The following TBC1D5 variants were observed in gnomAD, a reference collection of about 807,000 sequenced individuals.
TBC1D5 encodes the protein TBC1 domain family, member 5.
TBC1D5 carries 75 observed loss-of-function variants against 100.3 expected under a neutral mutation model. The observed-to-expected ratio is 0.75, with a 90% confidence interval of 0.62 to 0.91. TBC1D5 has a LOEUF of 0.91. Among genes scored for constraint, TBC1D5 ranks in the 40% least tolerant of loss-of-function variants. The pLI, the probability that TBC1D5 is intolerant of heterozygous loss-of-function variation, is 0.00. For synonymous variants in TBC1D5, 323 were observed against 325.6 expected (o/e 0.99, Z 0.09); for missense variants, 910 against 942.4 (o/e 0.97, Z 0.45).
At chr3:17,693,332 G>A (rs2071454662) in intron 1 of TBC1D5, among the ~76,000 whole-genome samples, 2 of 152,216 alleles carry the variant, frequency 1.3e-5, no homozygotes, top group Admixed American at 6.5e-5. Flanking sequence ...TCCTAGCCAA[G>A]GGAAGCCGTG....
intron 3 of TBC1D5, among the ~76,000 whole-genome samples, chr3:17,475,972 A>G (rs2095433614): frequency 6.6e-6 from 1 of 152,052 alleles, no homozygotes; most frequent in Admixed American, 6.6e-5. Flanking sequence ...TCTGACAGGG[A>G]TTTTATTTAA....
intron 2 of TBC1D5, among the ~76,000 whole-genome samples, chr3:17,552,032 A>C (rs1232380923): frequency 2.0e-5 from 3 of 152,142 alleles, no homozygotes; most frequent in African/African-American, 7.2e-5. Context: ...ATGGCATGGG[A>C]AACCTTGTTT....
chr3:17,241,877 A>G (rs1169298874), intron 16 of TBC1D5, among the ~76,000 whole-genome samples: 4 of 152,332 alleles, frequency 2.6e-5, no homozygotes, highest in South Asian at 2.1e-4. Flanking sequence ...AAAAAACCCA[A>G]AAAAACCCCA....
chr3:17,553,321 A>G (rs2096489014), intron 2 of TBC1D5, among the ~76,000 whole-genome samples: 1 of 152,178 alleles, frequency 6.6e-6, no homozygotes, highest in African/African-American at 2.4e-5. Flanking sequence ...TACTTGTTAC[A>G]CTGGCAAAAA....
At chr3:17,533,062 CACACAT>C (rs1329309817) in intron 2 of TBC1D5, among the ~76,000 whole-genome samples, 70 of 129,152 alleles carry the variant, frequency 5.4e-4, no homozygotes, top group Non-Finnish European at 6.7e-4. Context: ...GTCACACACA[CACACAT>C]ACACAGACAC....
chr3:17,250,253 A>G (rs1286193859), intron 16 of TBC1D5, among the ~76,000 whole-genome samples: 1 of 152,198 alleles, frequency 6.6e-6, no homozygotes, highest in Non-Finnish European at 1.5e-5. Context: ...TGCACTGCCA[A>G]TACCATGTTA....
At chr3:17,401,910 G>A (rs1229158040) in intron 8 of TBC1D5, among the ~76,000 whole-genome samples, 2 of 151,998 alleles carry the variant, frequency 1.3e-5, no homozygotes, top group African/African-American at 4.8e-5. Flanking sequence ...CTGAGTACCA[G>A]GACTCCTGTG....
chr3:17,643,374 T>C (rs570678154), intron 1 of TBC1D5, among the ~76,000 whole-genome samples: 71 of 152,216 alleles, frequency 4.7e-4, no homozygotes, highest in Middle Eastern at 3.4e-3. Flanking sequence ...GTCTCCTCCA[T>C]AAAGTTACTA....
At chr3:17,724,530 CTT>C (rs1279486728) in intron 1 of TBC1D5, among the ~76,000 whole-genome samples, 3 of 152,146 alleles carry the variant, frequency 2.0e-5, no homozygotes, top group Non-Finnish European at 4.4e-5. Flanking sequence ...TCTCTGGCAA[CTT>C]TTAAGAGATT....
intron 15 of TBC1D5, among the ~76,000 whole-genome samples, chr3:17,282,997 C>T (rs757360697): frequency 1.3e-5 from 2 of 152,218 alleles, no homozygotes; most frequent in African/African-American, 2.4e-5. Context: ...GGATAAAGAA[C>T]GGCCAGGCCC....
chr3:17,360,713 TAA>T (rs1272002558), intron 13 of TBC1D5, among the ~76,000 whole-genome samples: 3 of 152,006 alleles, frequency 2.0e-5, no homozygotes, highest in Non-Finnish European at 4.4e-5. Context: ...AATTTAAAAA[TAA>T]AGTCTTAGTT....
At chr3:17,297,015 C>T (rs559595330) in intron 14 of TBC1D5, among the ~76,000 whole-genome samples, 14 of 152,304 alleles carry the variant, frequency 9.2e-5, no homozygotes, top group Admixed American at 3.9e-4. Context: ...GATCTTTACT[C>T]AGTAATTTCT....
intron 13 of TBC1D5, among the ~76,000 whole-genome samples, chr3:17,324,959 A>G (rs1335475280): frequency 2.0e-5 from 3 of 152,240 alleles, no homozygotes; most frequent in African/African-American, 4.8e-5. Flanking sequence ...GTGGTGACCA[A>G]GGATACAAAG....
At chr3:17,406,624 AT>A in intron 4 of TBC1D5, 98 bp from the exon 5 acceptor site, 2 of 1,082,764 alleles carry the variant, frequency 1.8e-6, no homozygotes, top group Non-Finnish European at 2.7e-6. Flanking sequence ...AGTCTAAAAA[AT>A]GCAACTTTTA....
At chr3:17,470,483 T>G (rs2095359889) in intron 3 of TBC1D5, among the ~76,000 whole-genome samples, 1 of 152,204 alleles carries the variant, frequency 6.6e-6, no homozygotes, top group Admixed American at 6.5e-5. Context: ...TGGAAAATGA[T>G]GCAGTATATC....
chr3:17,374,388 C>G, intron 12 of TBC1D5, 83 bp downstream of exon 12: 1 of 1,323,846 alleles, frequency 7.6e-7, no homozygotes, highest in East Asian at 2.5e-5. Flanking sequence ...AGGCTATATA[C>G]TATTCTTTGG....
At chr3:17,361,608 C>T (rs550678330) in intron 13 of TBC1D5, among the ~76,000 whole-genome samples, 88 of 151,806 alleles carry the variant, frequency 5.8e-4, no homozygotes, top group African/African-American at 2.1e-3. Flanking sequence ...AGAATAATTC[C>T]CCAATATTTG....
At chr3:17,461,173 G>A (rs562833896) in intron 3 of TBC1D5, among the ~76,000 whole-genome samples, 10 of 152,268 alleles carry the variant, frequency 6.6e-5, no homozygotes, top group African/African-American at 1.2e-4. Flanking sequence ...TTTATGGTAC[G>A]TATTACTCTC....
chr3:17,226,563 G>A (rs76485593), intron 17 of TBC1D5, among the ~76,000 whole-genome samples: 5,937 of 151,962 alleles, frequency 0.039, 400 homozygotes, highest in African/African-American at 0.13. Flanking sequence ...CCCTTACCTG[G>A]GAATTAACTC....
Sources: allele counts gnomAD v4.1 joint callset (sites outside exome capture counted in the v4.1 genomes callset), GRCh38; gene constraint gnomAD v4.1.1; transcripts MANE v1.5; gene names NCBI Gene and HGNC (gene_info 2026-07-23, HGNC 2026-07-21).